The following NRF1 variants were observed in gnomAD, a reference collection of about 807,000 sequenced individuals.
NRF1 encodes the protein nuclear respiratory factor 1.
Under a neutral mutation model 58.5 loss-of-function variants are expected in NRF1, and 5 were observed. The ratio of observed to expected loss-of-function variants is 0.09; its 90% CI spans 0.04 to 0.18. The LOEUF (loss-of-function observed/expected upper bound fraction) is 0.18. Among genes scored for constraint, NRF1 ranks in the 10% least tolerant of loss-of-function variants. The probability of loss-of-function intolerance (pLI) is 1.00; values close to 1 mark genes in which losing one functional copy is unlikely to be tolerated. For missense variants in NRF1, 288 were observed against 657.7 expected (o/e 0.44, Z 6.15); for synonymous variants, 224 against 246.7 (o/e 0.91, Z 0.86).
chr7:129,701,015 G>A (rs1802812937), intron 5 of NRF1, among the ~76,000 whole-genome samples: 1 of 151,716 alleles, frequency 6.6e-6, no homozygotes, highest in Admixed American at 6.6e-5. Context: ...AAAGAATAAG[G>A]GTATATTCAG....
In NRF1 at chr7:129,755,769, G is replaced by C. The variant is rs1025946879; in HGVS notation, c.*588G>C. On this transcript the variant is annotated 3_prime_UTR_variant, in exon 11 of 11. Coordinates refer to ENST00000393232, the MANE Select transcript of NRF1 (RefSeq NM_005011.5). The surrounding 1 kb of genome is among the most constrained non-coding windows in gnomAD (Gnocchi z 5.8). ...AAAGCTGCCTCCCAGTGGCCACACA[G>C]AACTCTCCCTGCTGGACTCACCTGA... The C allele has an allele frequency of 1.3e-5, 2 of 152,926 alleles. No individual in the cohort carries two copies. The highest frequency in any genetic ancestry group is 6.6e-5 in the Admixed American group (1 of 15,258). 9.5% of individuals were successfully genotyped at this position (152,926 alleles called of 1,614,324 possible).
intron 10 of NRF1, among the ~76,000 whole-genome samples, chr7:129,733,041 A>G (rs893364547): frequency 1.7e-5 from 2 of 114,364 alleles, no homozygotes; most frequent in Non-Finnish European, 3.6e-5. Flanking sequence ...ATTGCACTCC[A>G]GCCTGGGCAA....
At chr7:129,735,234 G>A in intron 10 of NRF1, 1 of 985,426 alleles carries the variant, frequency 1.0e-6, no homozygotes, top group Non-Finnish European at 1.2e-6. Flanking sequence ...CTGGAGGGCT[G>A]TTTAAAAATT....
intron 5 of NRF1, among the ~76,000 whole-genome samples, chr7:129,697,556 A>C (rs1267578589): frequency 6.6e-6 from 1 of 152,016 alleles, no homozygotes; most frequent in African/African-American, 2.4e-5. Context: ...TCAAAAAAAA[A>C]AAAAATTGAG....
At chr7:129,737,913 G>A (rs1803756296) in intron 10 of NRF1, among the ~76,000 whole-genome samples, 2 of 152,288 alleles carry the variant, frequency 1.3e-5, no homozygotes, top group African/African-American at 4.8e-5. Flanking sequence ...GAAGCAGGCA[G>A]CCCCTAAGCA....
At position 129,671,421 on chromosome 7, in the gene NRF1, T is replaced by C. The variant is rs1359129214; in HGVS notation, c.224-8T>C. On this transcript the variant is annotated splice_region_variant and splice_polypyrimidine_tract_variant and intron_variant, in intron 2 of 10. Transcript: ENST00000393232. ...TGCCTAATCTCAGCACATACGTTATTATTTCAGGTCCTGTGGGAATGGCCG... is the reference window on the plus strand; with the variant it reads ...TGCCTAATCTCAGCACATACGTTATCATTTCAGGTCCTGTGGGAATGGCCG... 4.4e-6 allele frequency: 7 copies of C among 1,593,420 alleles called. No homozygotes were observed.
chr7:129,644,554 T>A (rs1005314468), intron 1 of NRF1, among the ~76,000 whole-genome samples: 2 of 152,254 alleles, frequency 1.3e-5, no homozygotes, highest in Non-Finnish European at 2.9e-5. Flanking sequence ...CATTTAATAT[T>A]AATTAAAATT....
At position 129,658,675 on chromosome 7, in the gene NRF1, T is replaced by C. The variant is rs1356068273; in HGVS notation, c.223+1101T>C. Among the ~76,000 whole-genome samples the C allele has an allele frequency of 2.0e-5, 3 of 152,192 alleles. No individual in the cohort carries two copies. In the East Asian group the frequency reaches 5.8e-4, roughly 29 times the overall value. ...CCTCTACAGGGATAATACAAATTTC[T>C]TAGAACACTTGCATTTCATGCGCCC... On this transcript the variant is annotated intron_variant, in intron 2 of 10. Coordinates refer to ENST00000393232, the MANE Select transcript of NRF1 (RefSeq NM_005011.5).
At chr7:129,709,344 G>A (rs1240615452) in intron 6 of NRF1, 111 bp downstream of exon 6, 2 of 872,268 alleles carry the variant, frequency 2.3e-6, no homozygotes, top group African/African-American at 3.4e-5. Flanking sequence ...TAATAGTTAA[G>A]CCTGTCCCTC....
intron 5 of NRF1, among the ~76,000 whole-genome samples, chr7:129,706,960 T>G (rs1452945600): frequency 6.6e-6 from 1 of 152,164 alleles, no homozygotes; most frequent in African/African-American, 2.4e-5. Flanking sequence ...GACAGGGTCT[T>G]GCTCTGTCAC....
chr7:129,674,900 A>G (rs1488593772), intron 3 of NRF1, among the ~76,000 whole-genome samples: 1 of 152,152 alleles, frequency 6.6e-6, no homozygotes, highest in Non-Finnish European at 1.5e-5. Context: ...TAAAAATAAT[A>G]CAACAAATTT....
intron 1 of NRF1, among the ~76,000 whole-genome samples, chr7:129,621,901 G>A (rs1800805521): frequency 6.6e-6 from 1 of 151,094 alleles, no homozygotes; most frequent in Non-Finnish European, 1.5e-5. Context: ...TCCTGCCTCA[G>A]CCTCCTGAGT....
chr7:129,748,295 AAGAC>A (rs1257996154), intron 10 of NRF1, among the ~76,000 whole-genome samples: 3 of 150,846 alleles, frequency 2.0e-5, no homozygotes, highest in African/African-American at 7.3e-5. Flanking sequence ...AAAAAAAAAA[AAGAC>A]AGTCTTGCCA....
chr7:129,621,367 T>C (rs1403245752), intron 1 of NRF1, among the ~76,000 whole-genome samples: 1 of 152,218 alleles, frequency 6.6e-6, no homozygotes, highest in South Asian at 2.1e-4. Flanking sequence ...TGTTGGGTAA[T>C]CTTAAACTTG....
rs919613936 is a variant in NRF1 at position 129,652,736 on chromosome 7, G to A, written c.-6-4610G>A. ...CTCCCGAGTAGCTGGGACTGCAGGCGCCCGCCACCACTCCCGGCTAATTTT... is the reference window on the plus strand; with the variant it reads ...CTCCCGAGTAGCTGGGACTGCAGGCACCCGCCACCACTCCCGGCTAATTTT... On this transcript the variant is annotated intron_variant, in intron 1 of 10. Transcript: ENST00000393232. 5.3e-5 allele frequency among the ~76,000 whole-genome samples: 8 copies of A among 152,172 alleles called. No homozygotes were observed. In the East Asian group the frequency reaches 1.4e-3, roughly 26 times the overall value.
intron 5 of NRF1, among the ~76,000 whole-genome samples, chr7:129,704,251 C>T (rs1250844853): frequency 1.3e-5 from 2 of 152,060 alleles, no homozygotes; most frequent in Non-Finnish European, 2.9e-5. Context: ...TTCTAGCACC[C>T]TTTATTTCTC....
chr7:129,745,238 T>G (rs964869867), intron 10 of NRF1, among the ~76,000 whole-genome samples: 3 of 152,138 alleles, frequency 2.0e-5, no homozygotes, highest in Non-Finnish European at 2.9e-5. Flanking sequence ...AACCTGAGTG[T>G]TGTTCCCACC....
intron 10 of NRF1, among the ~76,000 whole-genome samples, chr7:129,735,519 G>A (rs1803686886): frequency 6.6e-6 from 1 of 152,132 alleles, no homozygotes; most frequent in South Asian, 2.1e-4. Context: ...GACAGAGTGA[G>A]ACTTCCTAGT....
chr7:129,699,742 A>C lies in NRF1; in HGVS notation c.606+9196A>C, dbSNP rs1436653834. Among the ~76,000 whole-genome samples the C allele has an allele frequency of 2.0e-5, 3 of 151,826 alleles. No individual in the cohort carries two copies. The East Asian group carries it at 5.8e-4, about 29-fold the overall frequency. ...AGAGACTCCATCTCAAAAAAAAAGA[A>C]AAAAAAAGAAAGAAAATATAAGTTA... On this transcript the variant is annotated intron_variant, in intron 5 of 10. Coordinates refer to ENST00000393232, the MANE Select transcript of NRF1 (RefSeq NM_005011.5).
Sources: gnomAD v4.1 joint callset for allele counts (sites outside exome capture counted in the v4.1 genomes callset) on GRCh38, gnomAD v4.1.1 for gene constraint, Gnocchi (gnomAD v3.1) non-coding constraint, MANE v1.5 for transcripts, NCBI Gene and HGNC (gene_info 2026-07-23, HGNC 2026-07-21) for gene names.